Variants in CREB3L2 observed in about 807,000 individuals in gnomAD.
The protein encoded by CREB3L2 is cyclic AMP-responsive element-binding protein 3-like protein 2.
In CREB3L2, 23 loss-of-function variants were observed where a neutral mutation model predicts 57.2. The ratio of observed to expected loss-of-function variants is 0.40; its 90% CI spans 0.29 to 0.57. The LOEUF is 0.57. Among genes scored for constraint, CREB3L2 ranks in the 20% least tolerant of loss-of-function variants. The pLI is 0.42. For synonymous variants in CREB3L2, 268 were observed against 265.1 expected, an observed-to-expected ratio of 1.01 and a Z score of -0.11; for missense variants, 628 against 634.7, an observed-to-expected ratio of 0.99 and a Z score of 0.11.
chr7:137,954,058 C>A (rs927574485), intron 1 of CREB3L2, among the ~76,000 whole-genome samples: 3 of 152,252 alleles, frequency 2.0e-5, no homozygotes, highest in Non-Finnish European at 4.4e-5. Context: ...TGAGAGGCTA[C>A]CTCTCTGCAT....
intron 1 of CREB3L2, among the ~76,000 whole-genome samples, chr7:137,961,726 C>A (rs922429265): frequency 6.6e-6 from 1 of 152,150 alleles, no homozygotes; most frequent in African/African-American, 2.4e-5. Flanking sequence ...CCGGGGGGCA[C>A]ACCTCACAAG....
rs1399716144 is a variant in CREB3L2 at position 137,878,650 on chromosome 7, GC to G, written c.*1825del. 1 of 233,992 alleles carries G rather than the reference GC, an allele frequency of 4.3e-6. No individual in the cohort carries two copies. Among genetic ancestry groups the G allele is most frequent in the Non-Finnish European group, 8.4e-6 (1 of 118,688 alleles). The allele number at this position is 233,992 out of a possible 1,614,324, so 14.5% of individuals were successfully genotyped here. On this transcript the variant is annotated 3_prime_UTR_variant, in exon 12 of 12. Transcript: ENST00000330387. ...CAACAGGGCTGCCAGGACTACGGGG[GC>G]CCGATCCAGCTTCCACTCACAGTGA...
At chr7:137,893,471 T>G (rs147622482) in intron 8 of CREB3L2, among the ~76,000 whole-genome samples, 3 of 152,334 alleles carry the variant, frequency 2.0e-5, no homozygotes, top group Middle Eastern at 3.4e-3. Context: ...AAATAGCTTC[T>G]TTGTGTGCAG....
At position 138,002,065 on chromosome 7, in the gene CREB3L2, G is replaced by T. The variant is rs542763608; in HGVS notation, c.-360C>A. 2 of 291,636 alleles carry T rather than the reference G, an allele frequency of 6.9e-6. No homozygotes were observed. The highest frequency in any genetic ancestry group is 1.1e-4 in the East Asian group (2 of 18,124). 18.1% of individuals were successfully genotyped at this position (291,636 alleles called of 1,614,324 possible). A position where few individuals can be genotyped will look rare whatever the true frequency, so the allele number is the denominator to read the frequency against. ...ACGGCTCCAGACACAAACTTTGAGGGACCCCAGGGCTCCTCGGCTCTGCTC... is the reference window on the plus strand; with the variant it reads ...ACGGCTCCAGACACAAACTTTGAGGTACCCCAGGGCTCCTCGGCTCTGCTC... On this transcript the variant is annotated 5_prime_UTR_variant, in exon 1 of 12. Coordinates refer to ENST00000330387, the MANE Select transcript of CREB3L2 (RefSeq NM_194071.4).
chr7:137,940,307 A>G (rs1198863291), intron 1 of CREB3L2, among the ~76,000 whole-genome samples: 1 of 152,186 alleles, frequency 6.6e-6, no homozygotes, highest in Non-Finnish European at 1.5e-5. Context: ...CTTTCAGTGA[A>G]GGCACAAGCT....
chr7:137,988,000 A>C (rs1447848432), intron 1 of CREB3L2, among the ~76,000 whole-genome samples: 2 of 152,176 alleles, frequency 1.3e-5, no homozygotes, highest in Non-Finnish European at 2.9e-5. Context: ...AGTGAATCCT[A>C]AACTCTGTGT....
rs780560243 is a variant in CREB3L2 at position 137,948,100 on chromosome 7, C to T, written c.103-19734G>A. On this transcript the variant is annotated intron_variant, in intron 1 of 11. Coordinates refer to ENST00000330387, the MANE Select transcript of CREB3L2 (RefSeq NM_194071.4). ...CCTGGATCTAATATCGAGGACCTCA[C>T]AAGACAGTGCTTTCCCATGATTCCC... 6.2e-4 allele frequency among the ~76,000 whole-genome samples: 94 copies of T among 152,358 alleles called. 1 individual carries two copies. Among genetic ancestry groups the T allele is most frequent in the Non-Finnish European group, 1.0e-3 (68 of 68,026 alleles).
intron 11 of CREB3L2, 99 bp downstream of exon 11, chr7:137,882,313 C>T (rs1585585969): frequency 5.8e-6 from 5 of 867,016 alleles, no homozygotes; most frequent in South Asian, 3.2e-5. Context: ...AGGGACTGAA[C>T]CAGGCCTATG....
chr7:137,993,608 C>A (rs1801937758), intron 1 of CREB3L2, among the ~76,000 whole-genome samples: 1 of 152,180 alleles, frequency 6.6e-6, no homozygotes, highest in Non-Finnish European at 1.5e-5. Context: ...TAAACTCAAC[C>A]TCCTGGGCTC....
Position 137,879,294 on chromosome 7 carries a change from C to T in CREB3L2, c.*1182G>A. On this transcript the variant is annotated 3_prime_UTR_variant, in exon 12 of 12. Transcript: ENST00000330387. ...GGATACACAAATGTCACCTACCCCA[C>T]CCTGCTTTGTTGAGGTAGGGGACGA... The T allele has an allele frequency of 1.9e-6, 1 of 528,928 alleles. No individual in the cohort carries two copies. The highest frequency in any genetic ancestry group is 1.6e-5 in the South Asian group (1 of 62,398). 32.8% of individuals were successfully genotyped at this position (528,928 alleles called of 1,614,324 possible).
chr7:137,928,961 A>C (rs1403008591), intron 1 of CREB3L2, among the ~76,000 whole-genome samples: 1 of 152,188 alleles, frequency 6.6e-6, no homozygotes, highest in Non-Finnish European at 1.5e-5. Flanking sequence ...ATCATGACCT[A>C]CCACATTTTG....
intron 1 of CREB3L2, among the ~76,000 whole-genome samples, chr7:137,992,500 G>A (rs912547514): frequency 1.3e-5 from 2 of 152,190 alleles, no homozygotes; most frequent in Admixed American, 6.5e-5. Context: ...AGAAACACAT[G>A]AAAATTCAAG....
At chr7:137,938,095 G>A (rs982719491) in intron 1 of CREB3L2, among the ~76,000 whole-genome samples, 2 of 152,146 alleles carry the variant, frequency 1.3e-5, no homozygotes, top group Non-Finnish European at 2.9e-5. Context: ...CTATAATGGT[G>A]GAGACACGTC....
At chr7:137,918,459 G>A (rs1800198092) in intron 2 of CREB3L2, among the ~76,000 whole-genome samples, 1 of 152,140 alleles carries the variant, frequency 6.6e-6, no homozygotes, top group South Asian at 2.1e-4. Flanking sequence ...GGGATTACAG[G>A]TGTGAGCCAC....
At position 137,908,313 on chromosome 7, in the gene CREB3L2, G is replaced by C. The variant is rs375749577; in HGVS notation, c.707C>G (p.Ser236Cys). 579 of 1,258,330 alleles carry C rather than the reference G, an allele frequency of 4.6e-4. No individual in the cohort carries two copies. Among genetic ancestry groups the C allele is most frequent in the Non-Finnish European group, 5.6e-4 (553 of 992,720 alleles). The allele number at this position is 1,258,330 out of a possible 1,614,324, so 77.9% of individuals were successfully genotyped here. Reference sequence around the variant, plus strand: ...GGAGGGGGCCCGGGGTGCAGCTCTGGAGGGGCTGTGGGTCTGAGGCAGGCT... The same window carrying C: ...GGAGGGGGCCCGGGGTGCAGCTCTGCAGGGGCTGTGGGTCTGAGGCAGGCT... ...PFSLPQTHSPSRAAPRAPSAL... is the reference protein window; with the variant it reads ...PFSLPQTHSPCRAAPRAPSAL... The change falls in exon 5 of 12, where the codon TCC becomes TGC. Residue 236 changes from serine (S) to cysteine (C), a missense_variant. This residue lies in a region of CREB3L2 where 339 missense variants were observed against 355.4 expected (regional missense o/e 0.95). Transcript: ENST00000330387.
In CREB3L2 at chr7:137,946,878, ATC is replaced by A. The variant is rs58604971; in HGVS notation, c.103-18514_103-18513del. 1.6e-3 allele frequency among the ~76,000 whole-genome samples: 93 copies of A among 59,802 alleles called. 7 individuals are homozygous for A. The highest frequency in any genetic ancestry group is 4.9e-3 in the African/African-American group (46 of 9,360). The allele number at this position is 59,802 out of a possible 152,430, so 39.2% of individuals were successfully genotyped here. On this transcript the variant is annotated intron_variant, in intron 1 of 11. Transcript: ENST00000330387. Reference sequence around the variant, plus strand: ...TATCTATATAGTTATATATATAGTTATCTATATAGTTATATATATAGTTATAT... The same window carrying A: ...TATCTATATAGTTATATATATAGTTATATATAGTTATATATATAGTTATAT...
intron 3 of CREB3L2, among the ~76,000 whole-genome samples, chr7:137,915,493 AC>A (rs1417817085): frequency 6.6e-6 from 1 of 152,144 alleles, no homozygotes; most frequent in Non-Finnish European, 1.5e-5. Context: ...GGATTACATC[AC>A]CACTTCAATC....
At chr7:137,891,952 C>T (rs2117185601) in intron 8 of CREB3L2, among the ~76,000 whole-genome samples, 1 of 152,260 alleles carries the variant, frequency 6.6e-6, no homozygotes, top group East Asian at 1.9e-4. Flanking sequence ...TGCGGGTGCA[C>T]ATATGTGTGT....
intron 8 of CREB3L2, among the ~76,000 whole-genome samples, chr7:137,900,345 T>C (rs1248562641): frequency 1.3e-5 from 2 of 152,194 alleles, no homozygotes; most frequent in East Asian, 1.9e-4. Flanking sequence ...TGGCATCTCA[T>C]AGGGCTAAAT....
Sources: gnomAD v4.1 joint callset for allele counts (sites outside exome capture counted in the v4.1 genomes callset) on GRCh38, gnomAD v4.1.1 for gene constraint, gnomAD v4.1.1 regional missense constraint, MANE v1.5 for transcripts, NCBI Gene and HGNC (gene_info 2026-07-23, HGNC 2026-07-21) for gene names.